The following NXPH1 variants were observed in gnomAD, a reference collection of about 807,000 sequenced individuals.
NXPH1 encodes neurexophilin 1.
In NXPH1, 5 loss-of-function variants were observed where a neutral mutation model predicts 23.7. The ratio of observed to expected loss-of-function variants is 0.21; its 90% CI spans 0.11 to 0.44. NXPH1 has a LOEUF of 0.44. Among genes scored for constraint, NXPH1 ranks in the 20% least tolerant of loss-of-function variants. The pLI, the probability that NXPH1 is intolerant of heterozygous loss-of-function variation, is 0.99. For missense variants in NXPH1, 324 were observed against 321.6 expected, an observed-to-expected ratio of 1.01 and a Z score of -0.06; for synonymous variants, 144 against 122.2, an observed-to-expected ratio of 1.18 and a Z score of -1.18.
At position 8,668,797 on chromosome 7, in the gene NXPH1, T is replaced by C. The variant is rs557417847; in HGVS notation, c.55-82211T>C. On this transcript the variant is annotated intron_variant, in intron 2 of 2. Coordinates refer to ENST00000405863, the MANE Select transcript of NXPH1 (RefSeq NM_152745.3). ...GGGGCAAGTATGGCTTCTGGGTCCA[T>C]TGGGGGCTGGCCTGGAGCCTGGGTC... is the stretch of plus-strand genomic sequence containing the variant. Among the ~76,000 whole-genome samples, 224 of 151,136 alleles carry C rather than the reference T, an allele frequency of 1.5e-3. 1 individual carries two copies. Among genetic ancestry groups the C allele is most frequent in the Non-Finnish European group, 2.8e-3 (191 of 67,678 alleles).
chr7:8,702,315 A>G (rs1221698403), intron 2 of NXPH1, among the ~76,000 whole-genome samples: 1 of 152,102 alleles, frequency 6.6e-6, no homozygotes, highest in African/African-American at 2.4e-5. Flanking sequence ...GTACCCCATA[A>G]ATATGTACAA....
intron 2 of NXPH1, among the ~76,000 whole-genome samples, chr7:8,594,899 C>T (rs951558918): frequency 3.3e-5 from 5 of 151,922 alleles, no homozygotes; most frequent in Middle Eastern, 6.3e-3. Flanking sequence ...GAATTTGCTG[C>T]GGGCTGAGTG....
rs759076671 is a variant in NXPH1 at position 8,442,546 on chromosome 7, A to G, written c.54+6779A>G. 6.6e-6 allele frequency among the ~76,000 whole-genome samples: 1 copy of G among 152,188 alleles called. No individual in the cohort carries two copies. Among genetic ancestry groups the G allele is most frequent in the Non-Finnish European group, 1.5e-5 (1 of 68,026 alleles). On this transcript the variant is annotated intron_variant, in intron 2 of 2. Coordinates refer to ENST00000405863, the MANE Select transcript of NXPH1 (RefSeq NM_152745.3). The surrounding 1 kb of genome is among the most constrained non-coding windows in gnomAD (Gnocchi z 4.6). ...TATGTCTTAGACCCCGTCCTCACAC[A>G]TTGACTTTAAAAGGCCATTTTCCTT...
At chr7:8,669,684 T>C (rs1820836401) in intron 2 of NXPH1, among the ~76,000 whole-genome samples, 1 of 152,116 alleles carries the variant, frequency 6.6e-6, no homozygotes, top group Admixed American at 6.5e-5. Flanking sequence ...GGAGTGAGCC[T>C]GGTGTTGGAG....
chr7:8,717,341 T>C (rs1779893935), intron 2 of NXPH1, among the ~76,000 whole-genome samples: 1 of 152,198 alleles, frequency 6.6e-6, no homozygotes, highest in Non-Finnish European at 1.5e-5. Context: ...TTATTATGTA[T>C]GTTTCCCCAA....
At chr7:8,712,991 A>G (rs978183992) in intron 2 of NXPH1, among the ~76,000 whole-genome samples, 30 of 152,120 alleles carry the variant, frequency 2.0e-4, no homozygotes, top group African/African-American at 7.2e-4. Context: ...ATTATTCCTT[A>G]GAATAAGCTT....
chr7:8,633,748 T>G (rs1005336119), intron 2 of NXPH1, among the ~76,000 whole-genome samples: 1 of 152,230 alleles, frequency 6.6e-6, no homozygotes, highest in Admixed American at 6.5e-5. Flanking sequence ...GAACCTTGCA[T>G]GAGCTGACAA....
chr7:8,720,664 A>G (rs551276005), intron 2 of NXPH1, among the ~76,000 whole-genome samples: 2 of 152,352 alleles, frequency 1.3e-5, no homozygotes, highest in African/African-American at 2.4e-5. Flanking sequence ...ATATAATGCA[A>G]ATTAATTACC....
At chr7:8,745,356 A>C (rs1780448875) in intron 2 of NXPH1, among the ~76,000 whole-genome samples, 2 of 141,768 alleles carry the variant, frequency 1.4e-5, no homozygotes, top group South Asian at 4.3e-4. Flanking sequence ...CTTAAAATCT[A>C]CTCTCTTAGC....
chr7:8,699,566 A>G (rs987128137), intron 2 of NXPH1, among the ~76,000 whole-genome samples: 4 of 152,170 alleles, frequency 2.6e-5, no homozygotes, highest in Non-Finnish European at 4.4e-5. Context: ...CTATCACCAA[A>G]GCATTTTAAT....
intron 2 of NXPH1, among the ~76,000 whole-genome samples, chr7:8,684,373 T>C (rs766419823): frequency 6.6e-6 from 1 of 152,206 alleles, no homozygotes; most frequent in Non-Finnish European, 1.5e-5. Flanking sequence ...CGATACTTGA[T>C]GTGAAAGGTT....
chr7:8,496,234 A>C (rs1817335396), intron 2 of NXPH1, among the ~76,000 whole-genome samples: 1 of 152,018 alleles, frequency 6.6e-6, no homozygotes, highest in South Asian at 2.1e-4. Context: ...CTTCACACAC[A>C]CAAGACCCCT....
intron 2 of NXPH1, among the ~76,000 whole-genome samples, chr7:8,578,256 G>A (rs538595275): frequency 7.2e-5 from 11 of 152,256 alleles, no homozygotes; most frequent in African/African-American, 2.2e-4. Context: ...TGAAAATACT[G>A]TAAGATGAAA....
chr7:8,610,537 G>A lies in NXPH1; in HGVS notation c.55-140471G>A, dbSNP rs536219907. ...GATCACATGTAGTAAGGAATAATAGGATACACAAAAAGTACCACATAGAAC... is the reference window on the plus strand; with the variant it reads ...GATCACATGTAGTAAGGAATAATAGAATACACAAAAAGTACCACATAGAAC... On this transcript the variant is annotated intron_variant, in intron 2 of 2. Coordinates refer to ENST00000405863, the MANE Select transcript of NXPH1 (RefSeq NM_152745.3). 3.9e-5 allele frequency among the ~76,000 whole-genome samples: 6 copies of A among 152,090 alleles called. No homozygotes were observed. The South Asian group carries it at 1.2e-3, about 32-fold the overall frequency.
intron 2 of NXPH1, among the ~76,000 whole-genome samples, chr7:8,486,997 A>G (rs543610611): frequency 6.6e-6 from 1 of 152,130 alleles, no homozygotes; most frequent in Admixed American, 6.6e-5. Context: ...CCATGATCAG[A>G]TATTATGCAT....
chr7:8,460,115 A>G (rs1816668111), intron 2 of NXPH1, among the ~76,000 whole-genome samples: 1 of 152,212 alleles, frequency 6.6e-6, no homozygotes, highest in African/African-American at 2.4e-5. Context: ...TATTTAATTT[A>G]CAAATGTAAG....
chr7:8,534,008 C>CAAATT (rs1353451287), intron 2 of NXPH1, among the ~76,000 whole-genome samples: 1 of 152,050 alleles, frequency 6.6e-6, no homozygotes, highest in Non-Finnish European at 1.5e-5. Context: ...TAATTTTGAC[C>CAAATT]AAATGTTAAC....
intron 2 of NXPH1, among the ~76,000 whole-genome samples, chr7:8,626,177 G>A (rs1819982922): frequency 6.6e-6 from 1 of 151,586 alleles, no homozygotes; most frequent in Non-Finnish European, 1.5e-5. Flanking sequence ...AACCTGATGA[G>A]GAAAGTCAAT....
intron 2 of NXPH1, among the ~76,000 whole-genome samples, chr7:8,699,731 T>A (rs1206243474): frequency 6.6e-6 from 1 of 152,118 alleles, no homozygotes; most frequent in Non-Finnish European, 1.5e-5. Flanking sequence ...TGGGCCACTT[T>A]GCATTGGAAA....
Sources: allele counts gnomAD v4.1 joint callset (sites outside exome capture counted in the v4.1 genomes callset), GRCh38; gene constraint gnomAD v4.1.1; non-coding constraint Gnocchi (gnomAD v3.1); transcripts MANE v1.5; gene names NCBI Gene and HGNC (gene_info 2026-07-23, HGNC 2026-07-21).